The following FBLIM1 variants were observed in gnomAD, a reference collection of about 807,000 sequenced individuals.
The protein encoded by FBLIM1 is filamin binding LIM protein 1, also known as filamin-binding LIM protein 1.
FBLIM1 carries 29 observed loss-of-function variants against 37.4 expected under a neutral mutation model. The observed-to-expected ratio is 0.77, with a 90% CI of 0.58 to 1.06. The LOEUF (loss-of-function observed/expected upper bound fraction) is 1.06. Among genes scored for constraint, FBLIM1 ranks in the 50% least tolerant of loss-of-function variants. FBLIM1 has a pLI of 0.00. For missense variants in FBLIM1, 449 were observed against 505.6 expected, an observed-to-expected ratio of 0.89 and a Z score of 1.07; for synonymous variants, 193 against 199.0, an observed-to-expected ratio of 0.97 and a Z score of 0.25.
chr1:15,777,016 C>T (rs970302252), intron 7 of FBLIM1, 154 bp from the exon 8 acceptor site: 3 of 651,096 alleles, frequency 4.6e-6, no homozygotes, highest in Non-Finnish European at 8.2e-6. Context: ...TCCACCTGCT[C>T]CTGCCAAGAA....
upstream of FBLIM1, chr1:15,758,331 T>C (rs2068495411): frequency 6.6e-6 from 1 of 151,990 alleles, no homozygotes; most frequent in Non-Finnish European, 1.5e-5. The surrounding 1 kb of genome is among the most constrained non-coding windows in gnomAD (Gnocchi z 6.2). Flanking sequence ...AGAGCCAAAG[T>C]AAGCGCTCAC....
intron 6 of FBLIM1, among the ~76,000 whole-genome samples, chr1:15,772,767 A>G (rs1189575293): frequency 1.3e-5 from 2 of 152,160 alleles, no homozygotes; most frequent in African/African-American, 2.4e-5. Flanking sequence ...GAGCCTGGGC[A>G]ACATAGCAAG....
chr1:15,768,158 C>G (rs1048386682), intron 4 of FBLIM1, among the ~76,000 whole-genome samples: 1 of 152,158 alleles, frequency 6.6e-6, no homozygotes, highest in Non-Finnish European at 1.5e-5. Context: ...GCTGGAATTA[C>G]AGGTTTGAGC....
intron 8 of FBLIM1, among the ~76,000 whole-genome samples, chr1:15,783,932 C>G (rs1372308248): frequency 6.6e-6 from 1 of 152,176 alleles, no homozygotes; most frequent in Non-Finnish European, 1.5e-5. Context: ...TGGCTCACAC[C>G]TGTAATCCCA....
At chr1:15,764,794 C>T (rs2068836395) in intron 2 of FBLIM1, 109 bp downstream of exon 2, 6 of 830,860 alleles carry the variant, frequency 7.2e-6, no homozygotes, top group Non-Finnish European at 5.6e-6. Context: ...CTGTCTTCCC[C>T]AGCAGGACAC....
chr1:15,769,009 C>G (rs1244004615), intron 5 of FBLIM1, among the ~76,000 whole-genome samples: 1 of 152,138 alleles, frequency 6.6e-6, no homozygotes, highest in Admixed American at 6.6e-5. Context: ...GATGGGTGTC[C>G]TCTGTCATTG....
In FBLIM1 at chr1:15,777,228, G is replaced by C; in HGVS notation, c.949G>C (p.Asp317His). Reference sequence around the variant, plus strand: ...TCCCATCATCCCTCGGGATGGGAAAGATGCCTTCAAAATCGAATGCATGGG... The same window carrying C: ...TCCCATCATCCCTCGGGATGGGAAACATGCCTTCAAAATCGAATGCATGGG... ...ENPIIPRDGK[D>H]AFKIECMGRN... The change falls in exon 8 of 9, where the codon GAT becomes CAT. Residue 317 changes from aspartate (D) to histidine (H), a missense_variant. Physicochemically the swap from Asp to His is moderately conservative, Grantham distance 81. Transcript: ENST00000375766. 6.2e-7 allele frequency: 1 copy of C among 1,613,496 alleles called. No homozygotes were observed. Among genetic ancestry groups the C allele is most frequent in the Middle Eastern group, 1.7e-4 (1 of 6,054 alleles).
intron 7 of FBLIM1, 80 bp downstream of exon 7, chr1:15,774,876 C>T: frequency 6.2e-7 from 1 of 1,612,566 alleles, no homozygotes; most frequent in Non-Finnish European, 8.5e-7. Context: ...GAGCTTGAGT[C>T]CTGGGTGCTG....
At chr1:15,760,750 C>A (rs2068636940) in intron 1 of FBLIM1, among the ~76,000 whole-genome samples, 2 of 152,132 alleles carry the variant, frequency 1.3e-5, no homozygotes. Context: ...AAATGACTTT[C>A]CTTCCCTTTG....
intron 2 of FBLIM1, 59 bp from the exon 3 acceptor site, chr1:15,764,903 CGG>C: frequency 6.6e-7 from 1 of 1,520,768 alleles, no homozygotes; most frequent in African/African-American, 1.4e-5. Flanking sequence ...TCTCTCCTCT[CGG>C]GGGAGGGTGG....
intron 6 of FBLIM1, among the ~76,000 whole-genome samples, chr1:15,772,974 G>A (rs113733418): frequency 0.019 from 2,872 of 151,730 alleles, 93 homozygotes; most frequent in African/African-American, 0.066. Context: ...TAGTAGAGAC[G>A]GGGGTTTCAC....
Position 15,781,598 on chromosome 1 carries a change from A to G in FBLIM1, c.1009-2950A>G, listed in dbSNP as rs1481674922. 5.9e-5 allele frequency among the ~76,000 whole-genome samples: 9 copies of G among 151,960 alleles called. No individual in the cohort carries two copies. The East Asian group carries it at 1.7e-3, about 29-fold the overall frequency. On this transcript the variant is annotated intron_variant, in intron 8 of 8. Transcript: ENST00000375766. ...GAGTTGAGTGCTGTTAACTAAGAAG[A>G]AAAATGGGTTTCCCTGCACTGCCCA... is the stretch of plus-strand genomic sequence containing the variant.
intron 8 of FBLIM1, among the ~76,000 whole-genome samples, chr1:15,780,359 C>T (rs1052182114): frequency 1.4e-4 from 21 of 152,088 alleles, no homozygotes; most frequent in Middle Eastern, 3.4e-3. Flanking sequence ...CCACCATGCC[C>T]GGGTAATTTT....
chr1:15,783,532 G>GCCT (rs1482464383), intron 8 of FBLIM1, among the ~76,000 whole-genome samples: 53 of 150,762 alleles, frequency 3.5e-4, no homozygotes, highest in African/African-American at 1.2e-3. Context: ...TGGGGACTTG[G>GCCT]CCTTAAACAG....
intron 8 of FBLIM1, among the ~76,000 whole-genome samples, chr1:15,782,443 CAGTCTCAG>C (rs1253347106): frequency 6.7e-6 from 1 of 150,336 alleles, no homozygotes; most frequent in Non-Finnish European, 1.5e-5. Flanking sequence ...AACAGGCAAA[CAGTCTCAG>C]AAAAGTGGTT....
At chr1:15,771,169 AC>A (rs1487649217) in intron 6 of FBLIM1, among the ~76,000 whole-genome samples, 2 of 149,562 alleles carry the variant, frequency 1.3e-5, no homozygotes, top group East Asian at 3.9e-4. Context: ...TGAACTCCTG[AC>A]CTCGTGAGCC....
At chr1:15,772,624 C>G (rs1322802098) in intron 6 of FBLIM1, among the ~76,000 whole-genome samples, 1 of 152,102 alleles carries the variant, frequency 6.6e-6, no homozygotes, top group Non-Finnish European at 1.5e-5. Context: ...GTCATTGCTC[C>G]TCATTCCAGA....
Position 15,784,530 on chromosome 1 carries a change from G to T in FBLIM1, c.1009-18G>T, listed in dbSNP as rs764949883. ...GCCCAGGCCCAGGGCGGGTCAGCATGTGTCTTTGTCTCCCCAGGACTGCAG... is the reference window on the plus strand; with the variant it reads ...GCCCAGGCCCAGGGCGGGTCAGCATTTGTCTTTGTCTCCCCAGGACTGCAG... On this transcript the variant is annotated intron_variant, in intron 8 of 8. Coordinates refer to ENST00000375766, the MANE Select transcript of FBLIM1 (RefSeq NM_017556.4). 7 of 1,608,638 alleles carry T rather than the reference G, an allele frequency of 4.4e-6. No homozygotes were observed. The highest frequency in any genetic ancestry group is 6.0e-6 in the Non-Finnish European group (7 of 1,175,918).
rs755227710 is a variant in FBLIM1, at chr1:15,774,841, G to A, written c.890+45G>A. The A allele has an allele frequency of 4.7e-5, 76 of 1,613,658 alleles. 1 individual carries two copies. The South Asian group carries it at 5.3e-4, about 11-fold the overall frequency. ...ACTGGGTGGGGTGCAGGGACAGGGC[G>A]AGACCCAAGCAGGGTGAAGGAGCTG... is the stretch of plus-strand genomic sequence containing the variant. On this transcript the variant is annotated intron_variant, in intron 7 of 8. Coordinates refer to ENST00000375766, the MANE Select transcript of FBLIM1 (RefSeq NM_017556.4).
Sources: gnomAD v4.1 joint callset for allele counts (sites outside exome capture counted in the v4.1 genomes callset) on GRCh38, gnomAD v4.1.1 for gene constraint, Gnocchi (gnomAD v3.1) non-coding constraint, MANE v1.5 for transcripts, NCBI Gene and HGNC (gene_info 2026-07-23, HGNC 2026-07-21) for gene names.